ADAMTSL1: variants seen among roughly 807,000 people sequenced by gnomAD.
ADAMTSL1 encodes ADAMTS-like protein 1.
ADAMTSL1 carries 126 observed loss-of-function variants against 201.8 expected under a neutral mutation model. That is an observed-to-expected ratio of 0.62 (90% CI 0.54 to 0.72). The LOEUF (loss-of-function observed/expected upper bound fraction) is 0.72. Among genes scored for constraint, ADAMTSL1 ranks in the 30% least tolerant of loss-of-function variants. The pLI, the probability that ADAMTSL1 is intolerant of heterozygous loss-of-function variation, is 0.00. For missense variants in ADAMTSL1, 2,679 were observed against 2,277.8 expected (o/e 1.18, Z -3.59); for synonymous variants, 1,121 against 903.4 (o/e 1.24, Z -4.32).
chr9:17,994,892 G>T (rs1819308695), intron 1 of ADAMTSL1, among the ~76,000 whole-genome samples: 1 of 152,166 alleles, frequency 6.6e-6, no homozygotes. Flanking sequence ...AATTAAAAAG[G>T]AAATAGATGA....
At chr9:18,022,058 A>T (rs1820499377) in intron 1 of ADAMTSL1, among the ~76,000 whole-genome samples, 1 of 152,114 alleles carries the variant, frequency 6.6e-6, no homozygotes, top group Non-Finnish European at 1.5e-5. Context: ...TAACATTCAC[A>T]GTACTCATTT....
At chr9:18,550,106 G>T (rs999603478) in intron 3 of ADAMTSL1, among the ~76,000 whole-genome samples, 2 of 151,912 alleles carry the variant, frequency 1.3e-5, no homozygotes, top group African/African-American at 2.4e-5. Context: ...AAGAGCTTTT[G>T]GAGATGATTT....
At chr9:18,344,248 A>G (rs1835599192) in intron 2 of ADAMTSL1, among the ~76,000 whole-genome samples, 1 of 152,074 alleles carries the variant, frequency 6.6e-6, no homozygotes, top group Non-Finnish European at 1.5e-5. Flanking sequence ...TCCTTCTCAT[A>G]AAAAACTCTT....
chr9:18,793,437 A>G (rs1053591916), intron 19 of ADAMTSL1, among the ~76,000 whole-genome samples: 1 of 152,206 alleles, frequency 6.6e-6, no homozygotes, highest in Non-Finnish European at 1.5e-5. Flanking sequence ...AAAGAATTGT[A>G]TAGTGGGAGA....
intron 2 of ADAMTSL1, among the ~76,000 whole-genome samples, chr9:18,337,230 C>T (rs1291645368): frequency 1.3e-5 from 2 of 152,088 alleles, no homozygotes; most frequent in African/African-American, 2.4e-5. Flanking sequence ...TTCATCCTTC[C>T]CCCATCGGTG....
chr9:18,437,385 C>CA (rs1819787054), intron 2 of ADAMTSL1, among the ~76,000 whole-genome samples: 1 of 152,036 alleles, frequency 6.6e-6, no homozygotes, highest in Non-Finnish European at 1.5e-5. Flanking sequence ...TCTGATTTGT[C>CA]CCTCCAGTTT....
chr9:18,581,520 C>T (rs1564066174), intron 4 of ADAMTSL1, among the ~76,000 whole-genome samples: 1 of 152,172 alleles, frequency 6.6e-6, no homozygotes, highest in African/African-American at 2.4e-5. Flanking sequence ...TCAGAGTCAA[C>T]TGTAACTCTA....
At chr9:18,888,108 A>G (rs1829018237) in intron 24 of ADAMTSL1, 65 bp downstream of exon 24, 29 of 1,499,102 alleles carry the variant, frequency 1.9e-5, no homozygotes, top group South Asian at 9.6e-5. Context: ...GAATCTAACT[A>G]TCTAGCAGAA....
Position 18,889,673 on chromosome 9 carries a change from A to G in ADAMTSL1, c.4568A>G (p.Asn1523Ser), listed in dbSNP as rs756681951. The change falls in exon 25 of 29, where the codon AAC becomes AGC. Residue 1523 changes from asparagine to serine, a missense_variant. Asn to Ser is a conservative substitution (Grantham distance 46). Coordinates refer to ENST00000380548, the MANE Select transcript of ADAMTSL1 (RefSeq NM_001040272.6). ...TGCCTGCTGAACAGCACGGAGGTCA[A>G]CCCTGCCCACTGCGCAGGGAAGGTT... Reference protein sequence around the residue: ...LRCLLNSTEVNPAHCAGKVRP... With the variant: ...LRCLLNSTEVSPAHCAGKVRP... The G allele has an allele frequency of 1.7e-4, 274 of 1,604,946 alleles. No individual in the cohort carries two copies. Among genetic ancestry groups the G allele is most frequent in the Middle Eastern group, 1.7e-3 (10 of 6,026 alleles).
intron 15 of ADAMTSL1, among the ~76,000 whole-genome samples, chr9:18,733,972 C>T (rs1818368946): frequency 6.6e-6 from 1 of 150,790 alleles, no homozygotes; most frequent in Non-Finnish European, 1.5e-5. Flanking sequence ...CTAATTCACA[C>T]TAAGGTGTAA....
At chr9:18,740,478 C>CTTTTTTT (rs11449360) in intron 15 of ADAMTSL1, among the ~76,000 whole-genome samples, 20 of 105,678 alleles carry the variant, frequency 1.9e-4, no homozygotes, top group South Asian at 3.1e-4. Context: ...TTTCTTTTAT[C>CTTTTTTT]TTTTTTTTTT....
intron 2 of ADAMTSL1, among the ~76,000 whole-genome samples, chr9:18,521,745 T>C (rs1439385341): frequency 3.3e-5 from 5 of 152,298 alleles, no homozygotes; most frequent in Admixed American, 3.3e-4. Flanking sequence ...TATGATGTTA[T>C]AAATTAGAAT....
intron 2 of ADAMTSL1, among the ~76,000 whole-genome samples, chr9:18,520,328 G>A (rs1484137201): frequency 6.6e-6 from 1 of 152,160 alleles, no homozygotes; most frequent in South Asian, 2.1e-4. Context: ...ATCAAATTTA[G>A]TCTCCACAAT....
intron 2 of ADAMTSL1, among the ~76,000 whole-genome samples, chr9:18,423,314 T>C (rs1389461098): frequency 6.6e-6 from 1 of 152,246 alleles, no homozygotes; most frequent in Non-Finnish European, 1.5e-5. Context: ...TTAACCTTGT[T>C]ATATGACATA....
chr9:18,706,861 T>C lies in ADAMTSL1; in HGVS notation c.1689T>C (p.Pro563=). Residue 563 remains proline, a synonymous_variant, in exon 14 of 29, where the codon CCT becomes CCC. Coordinates refer to ENST00000380548, the MANE Select transcript of ADAMTSL1 (RefSeq NM_001040272.6). The stretch of plus-strand genomic sequence containing the variant: ...TCTCTCAGTCCGTGGCTGACCTGCC[T>C]ATTGACGAGTGTGAAGGGCCCAAGC... The part of the protein sequence containing the change: ...LSFSQSVADL[P]IDECEGPKPA... 1 of 1,613,616 alleles carries C rather than the reference T, an allele frequency of 6.2e-7. No homozygotes were observed.
chr9:17,963,314 G>A (rs896362822), intron 1 of ADAMTSL1, among the ~76,000 whole-genome samples: 2 of 152,012 alleles, frequency 1.3e-5, no homozygotes, highest in African/African-American at 2.4e-5. Flanking sequence ...CCCTTTATAT[G>A]GTTGGAGTTT....
chr9:18,890,727 C>G, intron 25 of ADAMTSL1: 1 of 362,470 alleles, frequency 2.8e-6, no homozygotes, highest in Non-Finnish European at 5.5e-6. Flanking sequence ...TCAAACCCCC[C>G]CCACCCCAGC....
chr9:18,711,544 T>A lies in ADAMTSL1; in HGVS notation c.1876+4496T>A, dbSNP rs571393324. Among the ~76,000 whole-genome samples, 15 of 152,318 alleles carry A rather than the reference T, an allele frequency of 9.8e-5. No homozygotes were observed. In the East Asian group the frequency reaches 2.7e-3, roughly 27 times the overall value. On this transcript the variant is annotated intron_variant, in intron 14 of 28. Coordinates refer to ENST00000380548, the MANE Select transcript of ADAMTSL1 (RefSeq NM_001040272.6). ...AAATACTGCGCTTTTCCGACGGGCT[T>A]AAAAAACGGTGCAACAGGAGATTAT...
At chr9:18,871,333 C>T (rs1000051417) in intron 23 of ADAMTSL1, among the ~76,000 whole-genome samples, 4 of 152,194 alleles carry the variant, frequency 2.6e-5, no homozygotes, top group African/African-American at 9.6e-5. Context: ...GCTTTCTAAG[C>T]TTCCATGTTA....
Sources: gnomAD v4.1 joint callset for allele counts (sites outside exome capture counted in the v4.1 genomes callset) on GRCh38, gnomAD v4.1.1 for gene constraint, MANE v1.5 for transcripts, NCBI Gene and HGNC (gene_info 2026-07-23, HGNC 2026-07-21) for gene names.